Variants in DSG3 observed in about 807,000 individuals in gnomAD.
DSG3 encodes desmoglein 3.
A neutral mutation model predicts 85.9 loss-of-function variants in DSG3; 63 were observed. That is an observed-to-expected ratio of 0.73 (90% CI 0.60 to 0.90). The LOEUF is 0.90. DSG3 is among the 40% of genes least tolerant of loss of function. DSG3 has a pLI of 0.00. For missense variants in DSG3, 1,220 were observed against 1,219.9 expected (o/e 1.00, Z 0.00); for synonymous variants, 447 against 441.9 (o/e 1.01, Z -0.14).
intron 15 of DSG3, among the ~76,000 whole-genome samples, 191 bp downstream of exon 15, chr18:31,474,595 AAAG>A (rs2072875941): frequency 6.6e-6 from 1 of 152,168 alleles, no homozygotes; most frequent in Non-Finnish European, 1.5e-5. Context: ...TCACTGATCA[AAAG>A]AAGAATGGGA....
At position 31,475,652 on chromosome 18, in the gene DSG3, T is replaced by C. The variant is rs1598789003; in HGVS notation, c.2392T>C (p.Phe798Leu). 1.9e-6 allele frequency: 3 copies of C among 1,613,472 alleles called. No homozygotes were observed. The highest frequency in any genetic ancestry group is 2.5e-6 in the Non-Finnish European group (3 of 1,179,854). Residue 798 changes from phenylalanine to leucine, a missense_variant, in exon 16 of 16, where the codon TTT becomes CTT. Transcript: ENST00000257189. ...CACTTTTTCTCTGTCTTAGAAAGCA[T>C]TTGCCTGTGCGGAGGAAGACGATGG... The part of the protein sequence containing the change: ...FLDSYFSQKA[F>L]ACAEEDDGQE...
In DSG3 at chr18:31,464,225, A is replaced by G. The variant is rs753439250; in HGVS notation, c.1114A>G (p.Ile372Val). The change falls in exon 9 of 16, where the codon ATT (isoleucine) becomes GTT (valine). Residue 372 changes from isoleucine to valine, a missense_variant. Coordinates refer to ENST00000257189, the MANE Select transcript of DSG3 (RefSeq NM_001944.3). ...RYRVQSTPVT[I>V]QVINVREGIA... ...CCGAGTTCAGTCAACCCCAGTCACA[A>G]TTCAGGTAATAAATGTAAGAGAAGG... The G allele has an allele frequency of 6.2e-7, 1 of 1,614,180 alleles. No individual in the cohort carries two copies. The highest frequency in any genetic ancestry group is 2.2e-5 in the East Asian group (1 of 44,872).
chr18:31,448,526 C>CA, intron 1 of DSG3, among the ~76,000 whole-genome samples: 1 of 151,658 alleles, frequency 6.6e-6, no homozygotes, highest in South Asian at 2.1e-4. Flanking sequence ...CCATTTTTTT[C>CA]AGAAAAGTAA....
chr18:31,460,091 C>G, intron 6 of DSG3, 80 bp downstream of exon 6: 1 of 1,436,116 alleles, frequency 7.0e-7, no homozygotes. Flanking sequence ...CTCCATTTTA[C>G]CCGAAAATTA....
intron 14 of DSG3, 93 bp from the exon 15 acceptor site, chr18:31,474,028 A>G (rs2072870972): frequency 4.9e-6 from 6 of 1,230,710 alleles, no homozygotes; most frequent in Non-Finnish European, 5.7e-6. Context: ...ACTTGTTTGC[A>G]TGGTGACTGC....
chr18:31,448,301 C>T (rs2072690762), intron 1 of DSG3, among the ~76,000 whole-genome samples: 1 of 152,166 alleles, frequency 6.6e-6, no homozygotes, highest in African/African-American at 2.4e-5. Context: ...TCCAAGATTA[C>T]ATGTCTCTTA....
rs377262567 is a variant in DSG3 at position 31,461,374 on chromosome 18, G to T, written c.961G>T (p.Asp321Tyr). 2 of 1,613,732 alleles carry T rather than the reference G, an allele frequency of 1.2e-6. No homozygotes were observed. The highest frequency in any genetic ancestry group is 4.5e-5 in the East Asian group (2 of 44,796). The change falls in exon 8 of 16, where the codon GAT becomes TAT. Residue 321 changes from aspartate to tyrosine, a missense_variant. Physicochemically the swap from Asp to Tyr is radical, Grantham distance 160. Transcript: ENST00000257189. ...NEGNWFEIQT[D>Y]PRTNEGILKV... ...AGGAAATTGGTTTGAAATACAAACT[G>T]ATCCTAGAACTAATGAAGGCATCCT...
At chr18:31,473,508 T>C (rs568835385) in intron 14 of DSG3, among the ~76,000 whole-genome samples, 1 of 152,302 alleles carries the variant, frequency 6.6e-6, no homozygotes, top group Admixed American at 6.5e-5. Flanking sequence ...AAAATCCGCA[T>C]GAGATTTCCC....
intron 12 of DSG3, among the ~76,000 whole-genome samples, chr18:31,471,347 A>C (rs2072854206): frequency 6.6e-6 from 1 of 152,234 alleles, no homozygotes; most frequent in Admixed American, 6.5e-5. Context: ...TATGATGTAG[A>C]TACTATTTAT....
In DSG3 at chr18:31,478,161, G is replaced by A. The variant is rs973688119; in HGVS notation, c.*1901G>A. 2 of 152,252 alleles carry A rather than the reference G, an allele frequency of 1.3e-5. No individual in the cohort carries two copies. Among genetic ancestry groups the A allele is most frequent in the South Asian group, 4.1e-4 (2 of 4,834 alleles). 9.4% of individuals were successfully genotyped at this position (152,252 alleles called of 1,614,324 possible). On this transcript the variant is annotated 3_prime_UTR_variant, in exon 16 of 16. Transcript: ENST00000257189. ...TGCCCATCTTAGGTGGGAGAAGCTAGATCCTGTGCAGCAGCCTGGTAAGTC... is the reference window on the plus strand; with the variant it reads ...TGCCCATCTTAGGTGGGAGAAGCTAAATCCTGTGCAGCAGCCTGGTAAGTC...
At chr18:31,468,704 T>G (rs2072836856) in intron 11 of DSG3, among the ~76,000 whole-genome samples, 1 of 152,210 alleles carries the variant, frequency 6.6e-6, no homozygotes, top group Non-Finnish European at 1.5e-5. Context: ...TGTTGAAAAC[T>G]TAATCCCCAC....
At chr18:31,460,796 G>A in intron 6 of DSG3, 37 bp from the exon 7 acceptor site, 1 of 1,525,124 alleles carries the variant, frequency 6.6e-7, no homozygotes, top group South Asian at 1.3e-5. Flanking sequence ...AATTCTTTGG[G>A]ATTAATTATT....
chr18:31,465,613 C>T (rs1008595064), intron 10 of DSG3, among the ~76,000 whole-genome samples, 156 bp downstream of exon 10: 17 of 152,196 alleles, frequency 1.1e-4, no homozygotes, highest in African/African-American at 3.6e-4. Flanking sequence ...CAGCTGAATC[C>T]GGGAGAGAAA....
chr18:31,474,943 T>C (rs2072877460), intron 15 of DSG3, among the ~76,000 whole-genome samples: 3 of 152,190 alleles, frequency 2.0e-5, no homozygotes, highest in Admixed American at 2.0e-4. Flanking sequence ...TCATAAAGGA[T>C]ATCCAAATAC....
rs756803710 is a variant in DSG3, at chr18:31,459,948, C to T, written c.621C>T (p.Pro207=). 6.2e-6 allele frequency: 10 copies of T among 1,614,014 alleles called. No individual in the cohort carries two copies. In the South Asian group the frequency reaches 1.1e-4, roughly 18 times the overall value. ...KIVSQEPAGT[P]MFLLSRNTGE... is the part of the protein sequence containing the mutation. ...TCTCTCAGGAACCAGCAGGCACACC[C>T]ATGTTCCTCCTAAGCAGAAACACTG... Residue 207 remains proline (P), a synonymous_variant, in exon 6 of 16, where the codon CCC becomes CCT. Coordinates refer to ENST00000257189, the MANE Select transcript of DSG3 (RefSeq NM_001944.3).
intron 11 of DSG3, 80 bp downstream of exon 11, chr18:31,466,834 G>A: frequency 7.7e-7 from 1 of 1,302,270 alleles, no homozygotes; most frequent in East Asian, 2.3e-5. Flanking sequence ...TCATTTAAGA[G>A]CAGGTCCTTC....
Position 31,472,348 on chromosome 18 carries a change from T to C in DSG3, c.1962T>C (p.Gly654=). ...GAGSTGGVTG[G]FIPVPDGSEG... The stretch of plus-strand genomic sequence containing the variant: ...GTTCTACTGGGGGAGTGACAGGTGG[T>C]TTTATCCCAGTTCCTGATGGCTCAG... Residue 654 remains glycine (G), a synonymous_variant, in exon 13 of 16, where the codon GGT becomes GGC. Coordinates refer to ENST00000257189, the MANE Select transcript of DSG3 (RefSeq NM_001944.3). 1 of 1,614,144 alleles carries C rather than the reference T, an allele frequency of 6.2e-7. No homozygotes were observed. Among genetic ancestry groups the C allele is most frequent in the East Asian group, 2.2e-5 (1 of 44,872 alleles).
In DSG3 at chr18:31,474,355, A is replaced by G; in HGVS notation, c.2336A>G (p.Tyr779Cys). 6.2e-7 allele frequency: 1 copy of G among 1,614,048 alleles called. No individual in the cohort carries two copies. Among genetic ancestry groups the G allele is most frequent in the African/African-American group, 1.3e-5 (1 of 75,056 alleles). ...RHSTGGTNKD[Y>C]ADGAISMNFL... ...TCCACTGGAGGAACCAATAAGGACTACGCTGATGGGGCGATAAGCATGAAT... is the reference window on the plus strand; with the variant it reads ...TCCACTGGAGGAACCAATAAGGACTGCGCTGATGGGGCGATAAGCATGAAT... The change falls in exon 15 of 16, where the codon TAC (tyrosine) becomes TGC (cysteine). Residue 779 changes from tyrosine to cysteine, a missense_variant. Coordinates refer to ENST00000257189, the MANE Select transcript of DSG3 (RefSeq NM_001944.3).
chr18:31,457,510 A>G (rs547607405), intron 3 of DSG3, among the ~76,000 whole-genome samples: 1 of 151,782 alleles, frequency 6.6e-6, no homozygotes, highest in African/African-American at 2.4e-5. Flanking sequence ...TATCAGGTTT[A>G]TTATACTATT....
Sources: allele counts gnomAD v4.1 joint callset (sites outside exome capture counted in the v4.1 genomes callset), GRCh38; gene constraint gnomAD v4.1.1; transcripts MANE v1.5; gene names NCBI Gene and HGNC (gene_info 2026-07-23, HGNC 2026-07-21).